FRYL: variants seen among roughly 807,000 people sequenced by gnomAD.
FRYL encodes FRY like transcription coactivator, also known as protein furry homolog-like.
FRYL carries 150 observed loss-of-function variants against 351.2 expected under a neutral mutation model. That is an observed-to-expected ratio of 0.43 (90% CI 0.37 to 0.49). The LOEUF is 0.49. Ranked by LOEUF, FRYL falls within the 20% of genes least tolerant of loss-of-function variation. The probability of loss-of-function intolerance (pLI) is 0.00; values close to 1 mark genes in which losing one functional copy is unlikely to be tolerated. For synonymous variants in FRYL, 1,153 were observed against 1,257.1 expected, an observed-to-expected ratio of 0.92 and a Z score of 1.75; for missense variants, 3,036 against 3,619.3, an observed-to-expected ratio of 0.84 and a Z score of 4.13.
intron 4 of FRYL, 87 bp downstream of exon 4, chr4:48,634,204 A>G: frequency 5.2e-6 from 5 of 964,218 alleles, no homozygotes; most frequent in East Asian, 2.4e-5. Flanking sequence ...TTTTTCAAGT[A>G]TATTATTTCC....
intron 53 of FRYL, among the ~76,000 whole-genome samples, chr4:48,525,924 G>A (rs932880191): frequency 5.3e-5 from 8 of 151,836 alleles, no homozygotes; most frequent in Admixed American, 3.9e-4. Flanking sequence ...AGCTGTATAT[G>A]AGTAGTATAT....
chr4:48,685,253 A>C (rs1765030835), intron 2 of FRYL, among the ~76,000 whole-genome samples: 2 of 152,212 alleles, frequency 1.3e-5, no homozygotes, highest in South Asian at 4.1e-4. Flanking sequence ...TACTATAATA[A>C]TAATAATCAA....
chr4:48,747,483 A>G (rs1772812690), intron 1 of FRYL, among the ~76,000 whole-genome samples: 1 of 152,258 alleles, frequency 6.6e-6, no homozygotes, highest in Admixed American at 6.5e-5. Context: ...CAGATTAAAA[A>G]CAATCAATAT....
chr4:48,573,042 ATCT>A, intron 26 of FRYL, 141 bp downstream of exon 26: 1 of 598,590 alleles, frequency 1.7e-6, no homozygotes, highest in Non-Finnish European at 2.9e-6. Flanking sequence ...TCTGCATAAG[ATCT>A]TCTGCGGGGA....
At chr4:48,623,631 C>T (rs1751137590) in intron 4 of FRYL, among the ~76,000 whole-genome samples, 4 of 152,158 alleles carry the variant, frequency 2.6e-5, no homozygotes, top group East Asian at 1.9e-4. Context: ...CTGACTACCA[C>T]GAAGTGAATG....
chr4:48,527,356 A>C, intron 53 of FRYL, 121 bp downstream of exon 53: 1 of 598,384 alleles, frequency 1.7e-6, no homozygotes. Flanking sequence ...TTTAATTCCT[A>C]ATTTAGATTT....
intron 2 of FRYL, among the ~76,000 whole-genome samples, chr4:48,693,556 A>G (rs1685426895): frequency 6.6e-6 from 1 of 152,238 alleles, no homozygotes; most frequent in African/African-American, 2.4e-5. Flanking sequence ...AGAAGACATA[A>G]ATATTAAAAT....
chr4:48,644,773 T>C (rs1441110320), intron 3 of FRYL, among the ~76,000 whole-genome samples: 1 of 152,058 alleles, frequency 6.6e-6, no homozygotes, highest in Non-Finnish European at 1.5e-5. Context: ...AATCTTCTTA[T>C]ATAATCAAGG....
chr4:48,526,042 T>C (rs1436021482), intron 53 of FRYL, among the ~76,000 whole-genome samples: 1 of 151,980 alleles, frequency 6.6e-6, no homozygotes. Flanking sequence ...TAGTAGTACA[T>C]GTATATGTAC....
At chr4:48,500,784 A>C (rs185069330) in intron 62 of FRYL, among the ~76,000 whole-genome samples, 2 of 152,298 alleles carry the variant, frequency 1.3e-5, no homozygotes, top group Admixed American at 6.5e-5. Flanking sequence ...GTGTGCACTA[A>C]TAAAACTGTA....
chr4:48,516,215 TCTC>T (rs1315723986), intron 55 of FRYL, among the ~76,000 whole-genome samples: 1 of 152,142 alleles, frequency 6.6e-6, no homozygotes, highest in Non-Finnish European at 1.5e-5. Flanking sequence ...AAGACTATAT[TCTC>T]CTCATTTGAA....
Position 48,573,246 on chromosome 4 carries a change from G to A in FRYL, c.2847-3C>T. On this transcript the variant is annotated splice_region_variant and splice_polypyrimidine_tract_variant and intron_variant, in intron 25 of 63. Coordinates refer to ENST00000358350, the MANE Select transcript of FRYL (RefSeq NM_015030.2). ...GATGTAATTCCTCTATTAGTTCCCT[G>A]GAAGAAAAATGGTACATATTCTATT... is the stretch of plus-strand genomic sequence containing the variant. 1 of 1,598,384 alleles carries A rather than the reference G, an allele frequency of 6.3e-7. No individual in the cohort carries two copies. The highest frequency in any genetic ancestry group is 8.6e-7 in the Non-Finnish European group (1 of 1,166,424).
intron 7 of FRYL, among the ~76,000 whole-genome samples, chr4:48,612,869 G>A (rs889073660): frequency 1.3e-4 from 20 of 151,966 alleles, no homozygotes; most frequent in African/African-American, 4.6e-4. Context: ...GATTACAGGC[G>A]TGAGCCACCG....
At position 48,614,076 on chromosome 4, in the gene FRYL, A is replaced by T. The variant is rs567528653; in HGVS notation, c.412-4253T>A. On this transcript the variant is annotated intron_variant, in intron 7 of 63. Transcript: ENST00000358350. ...AGAAGTAAAAGAAGAAATACATCTT[A>T]TCTTTAATTTTAATTAAAAATACAT... is the stretch of plus-strand genomic sequence containing the variant. Among the ~76,000 whole-genome samples the T allele has an allele frequency of 1.4e-3, 215 of 152,282 alleles. 1 individual carries two copies. Among genetic ancestry groups the T allele is most frequent in the African/African-American group, 4.6e-3 (191 of 41,572 alleles).
chr4:48,676,248 G>A (rs1008481643), intron 3 of FRYL, among the ~76,000 whole-genome samples: 6 of 152,142 alleles, frequency 3.9e-5, no homozygotes, highest in Admixed American at 3.9e-4. Flanking sequence ...TCTTGCTACT[G>A]CTCACTCTTT....
chr4:48,527,504 A>T lies in FRYL; in HGVS notation c.7290T>A (p.Phe2430Leu). 6.2e-7 allele frequency: 1 copy of T among 1,612,868 alleles called. No individual in the cohort carries two copies. Among genetic ancestry groups the T allele is most frequent in the Non-Finnish European group, 8.5e-7 (1 of 1,179,258 alleles). ...QQFGVFKDFD[F>L]LDVELEDAEG... ...CTGCATCTTCCAATTCAACATCTAA[A>T]AAGTCAAAATCCTTAAAAACACCAA... Residue 2430 changes from phenylalanine to leucine, a missense_variant, in exon 53 of 64, where the codon TTT (phenylalanine) becomes TTA (leucine). Physicochemically the swap from Phe to Leu is conservative, Grantham distance 22. Coordinates refer to ENST00000358350, the MANE Select transcript of FRYL (RefSeq NM_015030.2).
At chr4:48,625,542 T>G (rs1008158027) in intron 4 of FRYL, among the ~76,000 whole-genome samples, 2 of 152,174 alleles carry the variant, frequency 1.3e-5, no homozygotes, top group East Asian at 3.8e-4. Flanking sequence ...CTAAACAATA[T>G]AGTATAGCAA....
chr4:48,565,278 G>C (rs540209667), intron 29 of FRYL, among the ~76,000 whole-genome samples: 2 of 4,292 alleles, frequency 4.7e-4, no homozygotes, highest in Admixed American at 8.1e-3. Flanking sequence ...AAGTAATTAA[G>C]TAAGGGAAAA....
intron 2 of FRYL, among the ~76,000 whole-genome samples, chr4:48,703,750 G>A (rs1310803591): frequency 6.6e-6 from 1 of 152,164 alleles, no homozygotes; most frequent in Non-Finnish European, 1.5e-5. Context: ...GACATAGTTT[G>A]TGTATTTGTG....
Sources: gnomAD v4.1 joint callset for allele counts (sites outside exome capture counted in the v4.1 genomes callset) on GRCh38, gnomAD v4.1.1 for gene constraint, MANE v1.5 for transcripts, NCBI Gene and HGNC (gene_info 2026-07-23, HGNC 2026-07-21) for gene names.